Variants in FABP6 observed in about 807,000 individuals in gnomAD.
The protein encoded by FABP6 is gastrotropin.
A neutral mutation model predicts 14.9 loss-of-function variants in FABP6; 13 were observed. The ratio of observed to expected loss-of-function variants is 0.87; its 90% CI spans 0.57 to 1.39. FABP6 has a LOEUF of 1.39. FABP6 is among the 40% of genes most tolerant of loss of function. The pLI is 0.00. For missense variants in FABP6, 161 were observed against 167.2 expected (o/e 0.96, Z 0.20); for synonymous variants, 75 against 63.6 (o/e 1.18, Z -0.85).
chr5:160,205,254 G>T (rs113070520), intron 2 of FABP6, among the ~76,000 whole-genome samples: 2,857 of 139,204 alleles, frequency 0.021, 32 homozygotes, highest in Non-Finnish European at 0.029. Flanking sequence ...GGAAGCAGAG[G>T]TTGCAGTGAG....
At chr5:160,187,942 G>C (rs1306402042) in intron 1 of FABP6, among the ~76,000 whole-genome samples, 1 of 152,106 alleles carries the variant, frequency 6.6e-6, no homozygotes, top group East Asian at 1.9e-4. Context: ...AGTAGAGGCA[G>C]GGTTTCTCCA....
chr5:160,230,182 A>G (rs1214169998), intron 1 of FABP6, among the ~76,000 whole-genome samples: 1 of 151,326 alleles, frequency 6.6e-6, no homozygotes, highest in African/African-American at 2.4e-5. Flanking sequence ...CGCACCCAGC[A>G]TAGACACTCT....
intron 1 of FABP6, among the ~76,000 whole-genome samples, chr5:160,190,011 G>C (rs955984219): frequency 1.3e-5 from 2 of 152,110 alleles, no homozygotes; most frequent in Non-Finnish European, 2.9e-5. Flanking sequence ...CAGGAGCTCA[G>C]AGCCAAGGTT....
chr5:160,232,095 C>G lies in FABP6; in HGVS notation c.68-3C>G, dbSNP rs1760395374. On this transcript the variant is annotated splice_polypyrimidine_tract_variant and splice_region_variant and intron_variant, in intron 1 of 3. Coordinates refer to ENST00000402432, the MANE Select transcript of FABP6 (RefSeq NM_001445.3). ...TGGCTACTCTGCTTGTCCCCGGGTC[C>G]AGGGATCTCCAGCGATGTAATCGAA... is the stretch of plus-strand genomic sequence containing the variant. 3.7e-6 allele frequency: 6 copies of G among 1,613,712 alleles called. No homozygotes were observed. In the East Asian group the frequency reaches 1.1e-4, roughly 30 times the overall value.
At chr5:160,234,746 G>C in intron 2 of FABP6, 74 bp from the exon 3 acceptor site, 1 of 1,221,274 alleles carries the variant, frequency 8.2e-7, no homozygotes. Flanking sequence ...TCTTCTTACT[G>C]CCCGCGCCAC....
intron 2 of FABP6, among the ~76,000 whole-genome samples, chr5:160,202,027 G>A (rs6866322): frequency 0.75 from 114,285 of 152,148 alleles, 43,919 homozygotes; most frequent in Non-Finnish European, 0.83. Context: ...ACCTCCCAAA[G>A]TGCTGGGATT....
At chr5:160,193,477 T>G (rs1427843681) in intron 1 of FABP6, among the ~76,000 whole-genome samples, 1 of 152,102 alleles carries the variant, frequency 6.6e-6, no homozygotes, top group Non-Finnish European at 1.5e-5. Context: ...CTGCTTTTAT[T>G]CTCTTATTTG....
chr5:160,214,287 C>G (rs1229897805), intron 3 of FABP6, among the ~76,000 whole-genome samples: 1 of 151,964 alleles, frequency 6.6e-6, no homozygotes, highest in Non-Finnish European at 1.5e-5. Flanking sequence ...CCTCAGCCTC[C>G]CTATTAGCTG....
chr5:160,199,235 G>A (rs1759578132), intron 2 of FABP6: 2 of 1,464,696 alleles, frequency 1.4e-6, no homozygotes, highest in Non-Finnish European at 1.9e-6. Flanking sequence ...AGAACACCTT[G>A]GGTGGGGGAC....
chr5:160,190,187 A>T (rs1465437115), intron 1 of FABP6, among the ~76,000 whole-genome samples: 1 of 152,174 alleles, frequency 6.6e-6, no homozygotes, highest in East Asian at 1.9e-4. Flanking sequence ...TGGTCAAGGG[A>T]CAAGAATTAA....
intron 3 of FABP6, among the ~76,000 whole-genome samples, chr5:160,236,817 C>CAA (rs375689902): frequency 3.7e-4 from 49 of 133,258 alleles, no homozygotes; most frequent in East Asian, 8.8e-4. Flanking sequence ...ACTAAAAATA[C>CAA]AAAAAAAAAA....
chr5:160,209,088 T>C (rs542595713), intron 2 of FABP6, among the ~76,000 whole-genome samples: 89 of 151,746 alleles, frequency 5.9e-4, no homozygotes, highest in African/African-American at 2.0e-3. Context: ...GAGACCCCAT[T>C]TCTAAAAAAA....
chr5:160,227,045 T>C (rs977885772), upstream of FABP6, among the ~76,000 whole-genome samples: 2 of 152,268 alleles, frequency 1.3e-5, no homozygotes, highest in East Asian at 1.9e-4. Flanking sequence ...TAGGAAAAGA[T>C]TGGAAACAAC....
chr5:160,203,944 G>T lies in FABP6; in HGVS notation c.51+4787G>T, dbSNP rs1759702449. Reference sequence around the variant, plus strand: ...TCGAACTCCTGACCTCAGGTGATCTGCCCACCTTGGCCTCCCAAAGTGCTA... The same window carrying T: ...TCGAACTCCTGACCTCAGGTGATCTTCCCACCTTGGCCTCCCAAAGTGCTA... On this transcript the variant is annotated intron_variant, in intron 2 of 6. Transcript: ENST00000393980. Among the ~76,000 whole-genome samples, 3 of 151,948 alleles carry T rather than the reference G, an allele frequency of 2.0e-5. No individual in the cohort carries two copies. In the South Asian group the frequency reaches 6.2e-4, roughly 31 times the overall value.
At chr5:160,195,567 A>G (rs1400717640) in intron 1 of FABP6, among the ~76,000 whole-genome samples, 2 of 152,012 alleles carry the variant, frequency 1.3e-5, no homozygotes, top group Non-Finnish European at 2.9e-5. Context: ...GATCCTCCCC[A>G]TCTCAGCCTC....
At chr5:160,191,700 G>T (rs1259145170) in intron 1 of FABP6, among the ~76,000 whole-genome samples, 1 of 151,210 alleles carries the variant, frequency 6.6e-6, no homozygotes, top group Non-Finnish European at 1.5e-5. Context: ...GGTGGCTCAC[G>T]CCTGTAATCC....
upstream of FABP6, among the ~76,000 whole-genome samples, chr5:160,228,908 T>C (rs1318077864): frequency 3.3e-5 from 5 of 152,114 alleles, no homozygotes; most frequent in Non-Finnish European, 7.4e-5. Context: ...TCTCTACACA[T>C]CCAAGTCCTA....
upstream of FABP6, among the ~76,000 whole-genome samples, chr5:160,229,153 G>C (rs1044097244): frequency 6.6e-6 from 1 of 152,172 alleles, no homozygotes; most frequent in Non-Finnish European, 1.5e-5. Context: ...CTTCAGTGCT[G>C]GCCCTGCATG....
At chr5:160,189,911 C>T (rs981663130) in intron 1 of FABP6, among the ~76,000 whole-genome samples, 23 of 152,108 alleles carry the variant, frequency 1.5e-4, no homozygotes, top group African/African-American at 5.1e-4. Flanking sequence ...CCCAAAATTT[C>T]GTGAGCAAAG....
Sources: gnomAD v4.1 joint callset for allele counts (sites outside exome capture counted in the v4.1 genomes callset) on GRCh38, gnomAD v4.1.1 for gene constraint, MANE v1.5 for transcripts, NCBI Gene and HGNC (gene_info 2026-07-23, HGNC 2026-07-21) for gene names.